Variants in DMXL1 observed in about 807,000 individuals in gnomAD.
DMXL1 encodes the protein dmX-like protein 1.
A neutral mutation model predicts 319.2 loss-of-function variants in DMXL1; 99 were observed. The observed-to-expected ratio is 0.31, with a 90% confidence interval of 0.26 to 0.37. The LOEUF (loss-of-function observed/expected upper bound fraction) is 0.37. Ranked by LOEUF, DMXL1 falls within the 10% of genes least tolerant of loss-of-function variation. The probability of loss-of-function intolerance (pLI) is 1.00; values close to 1 mark genes in which losing one functional copy is unlikely to be tolerated. For synonymous variants in DMXL1, 1,385 were observed against 1,235.2 expected (o/e 1.12, Z -2.54); for missense variants, 3,745 against 3,595.6 (o/e 1.04, Z -1.06).
intron 33 of DMXL1, among the ~76,000 whole-genome samples, chr5:119,204,394 C>T (rs1053713103): frequency 6.6e-6 from 1 of 152,178 alleles, no homozygotes; most frequent in African/African-American, 2.4e-5. Flanking sequence ...CTGCCTTGGC[C>T]TCCCAAAGTG....
intron 1 of DMXL1, among the ~76,000 whole-genome samples, chr5:119,091,833 C>G (rs1336279404): frequency 6.6e-6 from 1 of 152,190 alleles, no homozygotes; most frequent in Non-Finnish European, 1.5e-5. Context: ...TGAACAGCCT[C>G]TCTCATGTGG....
chr5:119,174,707 T>A (rs1775440555), intron 25 of DMXL1, among the ~76,000 whole-genome samples: 1 of 152,246 alleles, frequency 6.6e-6, no homozygotes, highest in Admixed American at 6.5e-5. Flanking sequence ...CCATGCCATG[T>A]TTAGAGTCTT....
At chr5:119,186,156 C>T (rs985243713) in intron 28 of DMXL1, among the ~76,000 whole-genome samples, 2 of 152,182 alleles carry the variant, frequency 1.3e-5, no homozygotes, top group Admixed American at 1.3e-4. Flanking sequence ...ACTAATGTGC[C>T]TCCTGAAGCT....
In DMXL1 at chr5:119,178,202, C is replaced by T. The variant is rs367791663; in HGVS notation, c.7093C>T (p.His2365Tyr). ...GTCTGCTGTGTTTGGTGGAGGTGCACATGTTCCTAGCAAAGAACAGACACA... is the reference window on the plus strand; with the variant it reads ...GTCTGCTGTGTTTGGTGGAGGTGCATATGTTCCTAGCAAAGAACAGACACA... Reference protein sequence around the residue: ...MWSAVFGGGAHVPSKEQTHSK... With the variant: ...MWSAVFGGGAYVPSKEQTHSK... Residue 2365 changes from histidine to tyrosine, a missense_variant, in exon 28 of 44, where the codon CAT (histidine) becomes TAT (tyrosine). His to Tyr is a moderately conservative substitution (Grantham distance 83, BLOSUM62 2). This residue lies in a region of DMXL1 where 1,382 missense variants were observed against 1,269.5 expected (regional missense o/e 1.09). Coordinates refer to ENST00000539542, the MANE Select transcript of DMXL1 (RefSeq NM_001290321.3). The T allele has an allele frequency of 6.2e-6, 10 of 1,613,730 alleles. No homozygotes were observed. Among genetic ancestry groups the T allele is most frequent in the Middle Eastern group, 3.3e-4 (2 of 6,082 alleles).
At position 119,204,043 on chromosome 5, in the gene DMXL1, C is replaced by T. The variant is rs375025380; in HGVS notation, c.7863+607C>T. 1.9e-3 allele frequency among the ~76,000 whole-genome samples: 295 copies of T among 151,946 alleles called. 6 individuals carry two copies. The South Asian group carries it at 0.036, about 19-fold the overall frequency. ...TTCACTGTGTTAGCCAGGATGGTCTCGATCTCCTGACCTGGTGATCCACCC... is the reference window on the plus strand; with the variant it reads ...TTCACTGTGTTAGCCAGGATGGTCTTGATCTCCTGACCTGGTGATCCACCC... On this transcript the variant is annotated intron_variant, in intron 33 of 43. Coordinates refer to ENST00000539542, the MANE Select transcript of DMXL1 (RefSeq NM_001290321.3).
intron 1 of DMXL1, among the ~76,000 whole-genome samples, chr5:119,085,566 T>C (rs1753180815): frequency 6.6e-6 from 1 of 152,166 alleles, no homozygotes; most frequent in African/African-American, 2.4e-5. Context: ...AATTTGTTCA[T>C]CCGTTCTAAC....
intron 34 of DMXL1, among the ~76,000 whole-genome samples, chr5:119,216,094 CAAA>C (rs773591355): frequency 1.6e-3 from 59 of 37,338 alleles, no homozygotes; most frequent in African/African-American, 5.0e-3. Context: ...GCATCCATCT[CAAA>C]AAAAAAAAAA....
intron 1 of DMXL1, among the ~76,000 whole-genome samples, chr5:119,094,831 T>C (rs534875707): frequency 6.6e-6 from 1 of 152,176 alleles, no homozygotes; most frequent in African/African-American, 2.4e-5. Flanking sequence ...GTAGAGGAAG[T>C]AACTGCAGAC....
Position 119,173,710 on chromosome 5 carries a change from G to A in DMXL1, c.6682-1551G>A, listed in dbSNP as rs1003487967. 3.5e-3 allele frequency among the ~76,000 whole-genome samples: 456 copies of A among 129,822 alleles called. No homozygotes were observed. In the East Asian group the frequency reaches 0.074, roughly 21 times the overall value. 85.2% of individuals were successfully genotyped at this position (129,822 alleles called of 152,430 possible). A position where few individuals can be genotyped will look rare whatever the true frequency, so the allele number is the denominator to read the frequency against. Reference sequence around the variant, plus strand: ...TGTGTGTGTGTGTGTATATATATATGTGTGTGTGTATATATATATATGTGT... The same window carrying A: ...TGTGTGTGTGTGTGTATATATATATATGTGTGTGTATATATATATATGTGT... On this transcript the variant is annotated intron_variant, in intron 25 of 43. Transcript: ENST00000539542.
rs1765418452 is a variant in DMXL1, at chr5:119,133,724, A to G, written c.1800A>G (p.Ile600Met). Reference sequence around the variant, plus strand: ...TTTTTACGCCTAATGTTATGATGATATCAAAACATGCTGATGGTTCTCTGA... The same window carrying G: ...TTTTTACGCCTAATGTTATGATGATGTCAAAACATGCTGATGGTTCTCTGA... ...LSIFTPNVMM[I>M]SKHADGSLNQ... The change falls in exon 12 of 44, where the codon ATA becomes ATG. Residue 600 changes from isoleucine to methionine, a missense_variant. Physicochemically the swap from Ile to Met is conservative, Grantham distance 10. This residue lies in a region of DMXL1 where 2,096 missense variants were observed against 1,985.4 expected (regional missense o/e 1.06). Coordinates refer to ENST00000539542, the MANE Select transcript of DMXL1 (RefSeq NM_001290321.3). The G allele has an allele frequency of 6.2e-7, 1 of 1,614,256 alleles. No homozygotes were observed. Among genetic ancestry groups the G allele is most frequent in the Non-Finnish European group, 8.5e-7 (1 of 1,180,042 alleles).
Position 119,143,309 on chromosome 5 carries a change from G to GA in DMXL1, c.2377-524dup, listed in dbSNP as rs576619605. 1.4e-3 allele frequency among the ~76,000 whole-genome samples: 217 copies of GA among 151,438 alleles called. 2 individuals are homozygous for GA. Among genetic ancestry groups the GA allele is most frequent in the African/African-American group, 4.4e-3 (180 of 41,344 alleles). ...ATGTGGTGTATAATGGAAGGCAAAA[G>GA]AAAAAAAATATTTCAAGGAGGAAGA... is the stretch of plus-strand genomic sequence containing the variant. On this transcript the variant is annotated intron_variant, in intron 13 of 43. Transcript: ENST00000539542.
rs17144974 is a variant in DMXL1 at position 119,197,804 on chromosome 5, A to T, written c.7593A>T (p.Gln2531His). Residue 2531 changes from glutamine (Q) to histidine (H), a missense_variant, in exon 32 of 44, where the codon CAA (glutamine) becomes CAT (histidine). Physicochemically the swap from Gln to His is conservative, Grantham distance 24. Around this residue, in one of 4 missense-constraint regions of DMXL1, gnomAD observed 1,382 missense variants for 1,269.5 expected, o/e 1.09. Transcript: ENST00000539542. ...PLCHAVLKTL[Q>H]CWEQVLLRRL... ...GTCATGCGGTTCTAAAAACTCTTCA[A>T]TGTTGGGAACAAGTTCTTCTCCGAC... The T allele has an allele frequency of 4.3e-4, 694 of 1,614,118 alleles. 2 individuals carry two copies. The African/African-American group carries it at 8.6e-3, about 20-fold the overall frequency.
Position 119,123,313 on chromosome 5 carries a change from C to T in DMXL1, c.1102+2174C>T, listed in dbSNP as rs546896035. Among the ~76,000 whole-genome samples, 227 of 95,976 alleles carry T rather than the reference C, an allele frequency of 2.4e-3. 1 individual carries two copies. Among genetic ancestry groups the T allele is most frequent in the African/African-American group, 8.9e-3 (201 of 22,578 alleles). The allele number at this position is 95,976 out of a possible 152,430, so 63.0% of individuals were successfully genotyped here. A position where few individuals can be genotyped will look rare whatever the true frequency, so the allele number is the denominator to read the frequency against. Reference sequence around the variant, plus strand: ...GCGTGGAAAGAGGGAGAGGGGAGACCGTGGAAAGGGGAGAGGGAGAGGAGG... The same window carrying T: ...GCGTGGAAAGAGGGAGAGGGGAGACTGTGGAAAGGGGAGAGGGAGAGGAGG... On this transcript the variant is annotated intron_variant, in intron 9 of 43. Transcript: ENST00000539542.
At chr5:119,101,569 A>G (rs1757286768) in intron 2 of DMXL1, among the ~76,000 whole-genome samples, 1 of 152,240 alleles carries the variant, frequency 6.6e-6, no homozygotes, top group Non-Finnish European at 1.5e-5. Context: ...CAGAATTGTC[A>G]ATTTAGAGGA....
intron 13 of DMXL1, among the ~76,000 whole-genome samples, chr5:119,139,564 A>C (rs1049025454): frequency 2.0e-5 from 3 of 152,226 alleles, no homozygotes; most frequent in African/African-American, 7.2e-5. Context: ...TCAATTCAAC[A>C]AGAAGACCTA....
chr5:119,233,331 G>T lies in DMXL1; in HGVS notation c.8339-9G>T. On this transcript the variant is annotated splice_polypyrimidine_tract_variant and intron_variant, in intron 38 of 43. Coordinates refer to ENST00000539542, the MANE Select transcript of DMXL1 (RefSeq NM_001290321.3). ...ATAAATCTGCAATTTTTGCCCTCTT[G>T]TAATGCAGATCTGACAGGAGCTCAA... 6.2e-7 allele frequency: 1 copy of T among 1,608,248 alleles called. No homozygotes were observed. Among genetic ancestry groups the T allele is most frequent in the East Asian group, 2.2e-5 (1 of 44,654 alleles).
intron 9 of DMXL1, among the ~76,000 whole-genome samples, chr5:119,127,574 G>T (rs1200105090): frequency 6.6e-6 from 1 of 152,112 alleles, no homozygotes; most frequent in Non-Finnish European, 1.5e-5. Flanking sequence ...AAGTAATTGG[G>T]ATTACAGGCA....
chr5:119,121,015 T>C lies in DMXL1; in HGVS notation c.978T>C (p.Ala326=). 2 of 1,613,548 alleles carry C rather than the reference T, an allele frequency of 1.2e-6. No individual in the cohort carries two copies. The highest frequency in any genetic ancestry group is 1.7e-6 in the Non-Finnish European group (2 of 1,179,892). ...GTAGAGGTCGGAGGAGATCACTTGCTCTTGTAGCACATACGGGATATCTAC... is the reference window on the plus strand; with the variant it reads ...GTAGAGGTCGGAGGAGATCACTTGCCCTTGTAGCACATACGGGATATCTAC... ...HFRRGRRRSL[A]LVAHTGYLPH... Residue 326 remains alanine (A), a synonymous_variant, in exon 9 of 44, where the codon GCT becomes GCC. Coordinates refer to ENST00000539542, the MANE Select transcript of DMXL1 (RefSeq NM_001290321.3).
At chr5:119,199,924 T>G (rs1780390560) in intron 32 of DMXL1, among the ~76,000 whole-genome samples, 1 of 152,130 alleles carries the variant, frequency 6.6e-6, no homozygotes, top group Non-Finnish European at 1.5e-5. Flanking sequence ...AATGGTGGTG[T>G]TTGTTTTTCT....
Sources: gnomAD v4.1 joint callset for allele counts (sites outside exome capture counted in the v4.1 genomes callset) on GRCh38, gnomAD v4.1.1 for gene constraint, gnomAD v4.1.1 regional missense constraint, MANE v1.5 for transcripts, NCBI Gene and HGNC (gene_info 2026-07-23, HGNC 2026-07-21) for gene names.